Variants in PIEZO2 observed in about 807,000 individuals in gnomAD.
PIEZO2 encodes piezo type mechanosensitive ion channel component 2.
A neutral mutation model predicts 337.3 loss-of-function variants in PIEZO2; 172 were observed. The ratio of observed to expected loss-of-function variants is 0.51; its 90% CI spans 0.45 to 0.58. PIEZO2 has a LOEUF of 0.58. Among genes scored for constraint, PIEZO2 ranks in the 20% least tolerant of loss-of-function variants. PIEZO2 has a pLI of 0.00. For synonymous variants in PIEZO2, 1,251 were observed against 1,228.5 expected, an observed-to-expected ratio of 1.02 and a Z score of -0.38; for missense variants, 3,028 against 3,391.3, an observed-to-expected ratio of 0.89 and a Z score of 2.66.
At chr18:10,790,355 A>G (rs1035021127) in intron 14 of PIEZO2, among the ~76,000 whole-genome samples, 1 of 152,188 alleles carries the variant, frequency 6.6e-6, no homozygotes, top group African/African-American at 2.4e-5. Flanking sequence ...GGACATTTCT[A>G]GGCTCCTTTT....
rs1270868110 is a variant in PIEZO2, at chr18:11,101,271, G to A, written c.65-35049C>T. Among the ~76,000 whole-genome samples the A allele has an allele frequency of 6.6e-6, 1 of 152,228 alleles. No homozygotes were observed. The highest frequency in any genetic ancestry group is 2.4e-5 in the African/African-American group (1 of 41,458). ...TTCCGACTTCCAAACTTCCTCTGGA[G>A]TTCTGGGACTCAATGGAGAGTCAAT... On this transcript the variant is annotated intron_variant, in intron 1 of 55. Transcript: ENST00000674853. This position sits in a 1 kb window ranked among gnomAD's most constrained non-coding sequence, Gnocchi z 4.4.
intron 1 of PIEZO2, among the ~76,000 whole-genome samples, chr18:11,120,258 T>C (rs868027908): frequency 1.3e-5 from 2 of 152,242 alleles, no homozygotes; most frequent in Non-Finnish European, 2.9e-5. Context: ...TATATTGCCA[T>C]GACTCAAGGG....
rs1218556213 is a variant in PIEZO2, at chr18:10,872,934, ATCAAGCATAGAACT to A, written c.330-1533_330-1520del. 6.6e-6 allele frequency among the ~76,000 whole-genome samples: 1 copy of A among 152,166 alleles called. No individual in the cohort carries two copies. Among genetic ancestry groups the A allele is most frequent in the Non-Finnish European group, 1.5e-5 (1 of 68,026 alleles). On this transcript the variant is annotated intron_variant, in intron 4 of 55. Transcript: ENST00000674853. This position sits in a 1 kb window ranked among gnomAD's most constrained non-coding sequence, Gnocchi z 4.3. ...GGAAGATAAGATGATCCATGGAAAA[ATCAAGCATAGAACT>A]TCAAAGGAGGGTTAAGTCTTTGAAA...
Position 11,031,940 on chromosome 18 carries a change from C to G in PIEZO2, c.160+34187G>C, listed in dbSNP as rs925169076. On this transcript the variant is annotated intron_variant, in intron 2 of 55. Coordinates refer to ENST00000674853, the MANE Select transcript of PIEZO2 (RefSeq NM_001378183.1). This position sits in a 1 kb window ranked among gnomAD's most constrained non-coding sequence, Gnocchi z 4.7. Reference sequence around the variant, plus strand: ...CACATTTCCAAGATACGAGACAAAACTCGTTCTCTCTCTGTCTTTCTCTGT... The same window carrying G: ...CACATTTCCAAGATACGAGACAAAAGTCGTTCTCTCTCTGTCTTTCTCTGT... Among the ~76,000 whole-genome samples, 2 of 152,160 alleles carry G rather than the reference C, an allele frequency of 1.3e-5. No homozygotes were observed. The highest frequency in any genetic ancestry group is 2.9e-5 in the Non-Finnish European group (2 of 68,030).
chr18:10,789,219 T>C lies in PIEZO2; in HGVS notation c.2029A>G (p.Asn677Asp). The change falls in exon 15 of 56, where the codon AAT becomes GAT. Residue 677 changes from asparagine (N) to aspartate (D), a missense_variant. By Grantham distance (23) the Asn-to-Asp change is conservative. Around this residue, in one of 5 missense-constraint regions of PIEZO2, gnomAD observed 1,925 missense variants for 2,051.9 expected, o/e 0.94. Coordinates refer to ENST00000674853, the MANE Select transcript of PIEZO2 (RefSeq NM_001378183.1). ...TTGATGAACATGGCCACCACCAGAT[T>C]GCCCAGGACTTTCATGATGTCCTGC... The part of the protein sequence containing the change: ...DEQDIMKVLG[N>D]LVVAMFIKYW... The C allele has an allele frequency of 3.3e-6, 5 of 1,537,330 alleles. No individual in the cohort carries two copies. The highest frequency in any genetic ancestry group is 4.4e-6 in the Non-Finnish European group (5 of 1,146,922).
At position 11,109,229 on chromosome 18, in the gene PIEZO2, C is replaced by T. The variant is rs982631970; in HGVS notation, c.64+39296G>A. 6.6e-6 allele frequency among the ~76,000 whole-genome samples: 1 copy of T among 152,206 alleles called. No individual in the cohort carries two copies. The highest frequency in any genetic ancestry group is 1.5e-5 in the Non-Finnish European group (1 of 68,038). Reference sequence around the variant, plus strand: ...AGTGCAGCTGGAGATTTTATTAGCACTTTATGGTCCACATGATCATTTAAG... The same window carrying T: ...AGTGCAGCTGGAGATTTTATTAGCATTTTATGGTCCACATGATCATTTAAG... On this transcript the variant is annotated intron_variant, in intron 1 of 55. Transcript: ENST00000674853. The surrounding 1 kb of genome is among the most constrained non-coding windows in gnomAD (Gnocchi z 5.1).
At position 10,834,352 on chromosome 18, in the gene PIEZO2, ACCAC is replaced by A. The variant is rs2040939874; in HGVS notation, c.917+20997_917+21000del. 1.3e-5 allele frequency among the ~76,000 whole-genome samples: 2 copies of A among 152,192 alleles called. No homozygotes were observed. Among genetic ancestry groups the A allele is most frequent in the East Asian group, 3.9e-4 (2 of 5,186 alleles). ...CTTTAGAATGGGCATAATAAAGTAG[ACCAC>A]ACCTTATGGAGTTGTTGGGAGGATT... On this transcript the variant is annotated intron_variant, in intron 7 of 55. Coordinates refer to ENST00000674853, the MANE Select transcript of PIEZO2 (RefSeq NM_001378183.1). The surrounding 1 kb of genome is among the most constrained non-coding windows in gnomAD (Gnocchi z 4.5).
At chr18:11,056,525 A>G (rs1384658) in intron 2 of PIEZO2, among the ~76,000 whole-genome samples, 16,217 of 152,224 alleles carry the variant, frequency 0.11, 2,721 homozygotes, top group African/African-American at 0.36. Context: ...TGAGGCCCCA[A>G]CCAGAAATCA....
At chr18:10,739,851 T>C (rs1398280356) in intron 33 of PIEZO2, 1 of 134,472 alleles carries the variant, frequency 7.4e-6, no homozygotes, top group Non-Finnish European at 1.6e-5. Context: ...AAATTTCAAA[T>C]ATTGCTTTAT....
In PIEZO2 at chr18:10,724,766, C is replaced by T. The variant is rs2036460557; in HGVS notation, c.5030-6507G>A. Reference sequence around the variant, plus strand: ...TCTCAGTCCCTGGCCTTGCCCGTGGCTCTGGCAGTCCCCCCAGCACTGCAG... The same window carrying T: ...TCTCAGTCCCTGGCCTTGCCCGTGGTTCTGGCAGTCCCCCCAGCACTGCAG... On this transcript the variant is annotated intron_variant, in intron 36 of 55. Transcript: ENST00000674853. The surrounding 1 kb of genome is among the most constrained non-coding windows in gnomAD (Gnocchi z 5.8). 1.3e-6 allele frequency: 2 copies of T among 1,566,662 alleles called. No individual in the cohort carries two copies. The highest frequency in any genetic ancestry group is 1.7e-6 in the Non-Finnish European group (2 of 1,154,006).
intron 15 of PIEZO2, 139 bp from the exon 16 acceptor site, chr18:10,787,323 T>C: frequency 1.1e-6 from 1 of 949,916 alleles, no homozygotes; most frequent in Non-Finnish European, 1.5e-6. Context: ...ATTTCTAGTT[T>C]TTAATGTTCC....
At chr18:11,120,549 G>A (rs146774927) in intron 1 of PIEZO2, among the ~76,000 whole-genome samples, 180 of 152,126 alleles carry the variant, frequency 1.2e-3, no homozygotes, top group African/African-American at 4.0e-3. Context: ...TTTCGAAGCA[G>A]GAAAACAAAC....
Position 10,718,392 on chromosome 18 carries a change from AG to A in PIEZO2, c.5030-134del, listed in dbSNP as rs1598395323. 8.2e-6 allele frequency: 6 copies of A among 735,038 alleles called. No individual in the cohort carries two copies. The East Asian group carries it at 1.6e-4, about 20-fold the overall frequency. 45.5% of individuals were successfully genotyped at this position (735,038 alleles called of 1,614,324 possible). A position where few individuals can be genotyped will look rare whatever the true frequency, so the allele number is the denominator to read the frequency against. On this transcript the variant is annotated intron_variant, in intron 36 of 55. Transcript: ENST00000674853. Reference sequence around the variant, plus strand: ...TCTATTTCAAGAGTTCCTTGGGGAAAGGTTGTTAGAATTCATAGCTCTTAGA... The same window carrying A: ...TCTATTTCAAGAGTTCCTTGGGGAAAGTTGTTAGAATTCATAGCTCTTAGA...
intron 33 of PIEZO2, among the ~76,000 whole-genome samples, chr18:10,737,001 T>C (rs1467827112): frequency 1.3e-5 from 2 of 152,068 alleles, no homozygotes; most frequent in Non-Finnish European, 2.9e-5. Flanking sequence ...AAAATTTACA[T>C]AGATGAAGCA....
rs564857727 is a variant in PIEZO2, at chr18:10,748,515, T to C, written c.4380A>G (p.Leu1460=). 2 of 1,537,078 alleles carry C rather than the reference T, an allele frequency of 1.3e-6. No homozygotes were observed. The highest frequency in any genetic ancestry group is 1.2e-5 in the South Asian group (1 of 84,002). The part of the protein sequence containing the change: ...QRRVFMSYYF[L]HVVADIKASQ... ...AAGCTTTTATATCAGCCACAACATGTAGAAAATAATAACTCATGAAAACTC... is the reference window on the plus strand; with the variant it reads ...AAGCTTTTATATCAGCCACAACATGCAGAAAATAATAACTCATGAAAACTC... Residue 1460 remains leucine, a synonymous_variant, in exon 30 of 56, where the codon CTA becomes CTG. Transcript: ENST00000674853. This position sits in a 1 kb window ranked among gnomAD's most constrained non-coding sequence, Gnocchi z 5.1.
chr18:11,066,298 A>G, intron 1 of PIEZO2, 76 bp from the exon 2 acceptor site: 1 of 1,129,620 alleles, frequency 8.9e-7, no homozygotes. Flanking sequence ...GTGCATAACA[A>G]AAGATGGTCT....
intron 49 of PIEZO2, among the ~76,000 whole-genome samples, chr18:10,684,314 C>T (rs539764925): frequency 9.8e-5 from 11 of 112,782 alleles, no homozygotes; most frequent in South Asian, 3.7e-4. Context: ...TACAGGTGCC[C>T]GCCACCATGC....
rs2039126452 is a variant in PIEZO2 at position 10,784,107 on chromosome 18, A to T, written c.2492+677T>A. On this transcript the variant is annotated intron_variant, in intron 17 of 55. Coordinates refer to ENST00000674853, the MANE Select transcript of PIEZO2 (RefSeq NM_001378183.1). This position sits in a 1 kb window ranked among gnomAD's most constrained non-coding sequence, Gnocchi z 4.5. ...ACCATTGTCAGCGTTCACTAAAAGA[A>T]TGCTTGTGATCTCCCCGTGATGGAA... 6.6e-6 allele frequency among the ~76,000 whole-genome samples: 1 copy of T among 152,210 alleles called. No homozygotes were observed. Among genetic ancestry groups the T allele is most frequent in the African/African-American group, 2.4e-5 (1 of 41,462 alleles).
chr18:10,880,883 AT>A (rs1568159676), intron 4 of PIEZO2, among the ~76,000 whole-genome samples: 14 of 72,994 alleles, frequency 1.9e-4, no homozygotes, highest in South Asian at 4.5e-4. Context: ...ATATATATAT[AT>A]ATATATATAT....
Sources: allele counts gnomAD v4.1 joint callset (sites outside exome capture counted in the v4.1 genomes callset), GRCh38; gene constraint gnomAD v4.1.1; regional missense constraint gnomAD v4.1.1; non-coding constraint Gnocchi (gnomAD v3.1); transcripts MANE v1.5; gene names NCBI Gene and HGNC (gene_info 2026-07-23, HGNC 2026-07-21).